The following AKAP12 variants were observed in gnomAD, a reference collection of about 807,000 sequenced individuals.
AKAP12 encodes the protein A-kinase anchoring protein 12.
Under a neutral mutation model 79.9 loss-of-function variants are expected in AKAP12, and 32 were observed. That is an observed-to-expected ratio of 0.40 (90% confidence interval 0.30 to 0.54). AKAP12 has a LOEUF of 0.54. AKAP12 is among the 20% of genes least tolerant of loss of function. AKAP12 has a pLI of 0.48. For missense variants in AKAP12, 2,074 were observed against 2,177.0 expected, an observed-to-expected ratio of 0.95 and a Z score of 0.94; for synonymous variants, 808 against 857.0, an observed-to-expected ratio of 0.94 and a Z score of 1.00.
chr6:151,265,893 C>A lies in AKAP12; in HGVS notation c.162+25169C>A, dbSNP rs138188394. On this transcript the variant is annotated intron_variant, in intron 2 of 4. Transcript: ENST00000402676. ...GTGGGTTCACTAAGGATGAGCCCAA[C>A]AATGACATTTATGTAATATTCTTTT... is the stretch of plus-strand genomic sequence containing the variant. 6.3e-3 allele frequency among the ~76,000 whole-genome samples: 961 copies of A among 152,320 alleles called. 9 individuals carry two copies. The highest frequency in any genetic ancestry group is 0.021 in the African/African-American group (869 of 41,568).
intron 3 of AKAP12, among the ~76,000 whole-genome samples, chr6:151,338,668 C>T (rs1777875096): frequency 6.6e-6 from 1 of 152,124 alleles, no homozygotes; most frequent in Non-Finnish European, 1.5e-5. Flanking sequence ...CCAGGCTGGT[C>T]TCGAACTCCT....
In AKAP12 at chr6:151,345,882, G is replaced by A. The variant is rs1034226103; in HGVS notation, c.320-2829G>A. ...CATCCCCCAGAGATCATATGTGAAG[G>A]ATGTGTGTGTATATGTGTGTGTGTG... On this transcript the variant is annotated intron_variant, in intron 3 of 4. Transcript: ENST00000402676. 3.8e-5 allele frequency among the ~76,000 whole-genome samples: 5 copies of A among 130,640 alleles called. 1 individual carries two copies. In the Admixed American group the frequency reaches 4.2e-4, roughly 11 times the overall value. 85.7% of individuals were successfully genotyped at this position (130,640 alleles called of 152,430 possible). A position where few individuals can be genotyped will look rare whatever the true frequency, so the allele number is the denominator to read the frequency against.
intron 3 of AKAP12, chr6:151,323,826 C>T: frequency 1.0e-6 from 1 of 985,394 alleles, no homozygotes; most frequent in Non-Finnish European, 1.2e-6. Context: ...GACTCGATTT[C>T]AGAAGTGGCA....
chr6:151,288,173 C>G (rs1776543715), intron 2 of AKAP12, among the ~76,000 whole-genome samples: 1 of 151,324 alleles, frequency 6.6e-6, no homozygotes, highest in Non-Finnish European at 1.5e-5. Context: ...TCTAACAAAC[C>G]TGCGTGTTCT....
intron 3 of AKAP12, chr6:151,341,922 C>A: frequency 1.7e-6 from 1 of 580,798 alleles, no homozygotes; most frequent in Non-Finnish European, 2.5e-6. Flanking sequence ...GAGCCGCCCG[C>A]TGCCCTTGAT....
rs10872670 is a variant in AKAP12 at position 151,348,740 on chromosome 6, A to G, written c.349A>G (p.Lys117Glu). The G allele has an allele frequency of 0.77, 1,232,033 of 1,590,998 alleles. 474,860 individuals carry two copies. The highest frequency in any genetic ancestry group is 0.82 in the Admixed American group (48,051 of 58,408). Residue 117 changes from lysine to glutamate, a missense_variant, in exon 4 of 5, where the codon AAA becomes GAA. Physicochemically the swap from Lys to Glu is moderately conservative, Grantham distance 56. Coordinates refer to ENST00000402676, the MANE Select transcript of AKAP12 (RefSeq NM_005100.4). ...VGQRDSEDVS[K>E]RDSDKEMATK... Reference sequence around the variant, plus strand: ...ACAGAGAGACTCTGAAGATGTGAGCAAAAGAGACTCCGATAAAGAGATGGC... The same window carrying G: ...ACAGAGAGACTCTGAAGATGTGAGCGAAAGAGACTCCGATAAAGAGATGGC...
At chr6:151,335,270 A>T (rs559868097) in intron 3 of AKAP12, among the ~76,000 whole-genome samples, 48 of 152,184 alleles carry the variant, frequency 3.2e-4, no homozygotes, top group Non-Finnish European at 5.7e-4. Context: ...TATACTGATT[A>T]TGTTTGGAAT....
intron 3 of AKAP12, among the ~76,000 whole-genome samples, chr6:151,337,080 G>A (rs1381939871): frequency 1.3e-5 from 2 of 152,138 alleles, no homozygotes; most frequent in Non-Finnish European, 2.9e-5. Flanking sequence ...GGTATGTAAT[G>A]TGAAGCAAAT....
At chr6:151,291,028 A>G (rs1203193678) in intron 2 of AKAP12, among the ~76,000 whole-genome samples, 2 of 152,116 alleles carry the variant, frequency 1.3e-5, no homozygotes, top group Non-Finnish European at 2.9e-5. Flanking sequence ...CCCTCTCTGC[A>G]CATAAACGGA....
Position 151,349,584 on chromosome 6 carries a change from C to T in AKAP12, c.1193C>T (p.Pro398Leu), listed in dbSNP as rs1378391951. 3.1e-6 allele frequency: 5 copies of T among 1,610,810 alleles called. No individual in the cohort carries two copies. The highest frequency in any genetic ancestry group is 2.2e-5 in the East Asian group (1 of 44,852). ...GGACCTTCTGAAGAGAAACCTGCTC[C>T]GTTGGCGACAGAAGTGTTTGATGAG... ...SQGPSEEKPA[P>L]LATEVFDEKI... Residue 398 changes from proline (P) to leucine (L), a missense_variant, in exon 4 of 5, where the codon CCG becomes CTG. Around this residue, in one of 3 missense-constraint regions of AKAP12, gnomAD observed 1,428 missense variants for 1,451.0 expected, o/e 0.98. Transcript: ENST00000402676.
chr6:151,344,658 C>T (rs1395778645), intron 3 of AKAP12, among the ~76,000 whole-genome samples: 2 of 151,522 alleles, frequency 1.3e-5, no homozygotes, highest in South Asian at 2.1e-4. Context: ...CTCAGCCTCC[C>T]GAGTAGCTAG....
chr6:151,325,369 T>G (rs900764407), intron 3 of AKAP12: 1 of 985,262 alleles, frequency 1.0e-6, no homozygotes, highest in African/African-American at 1.7e-5. Context: ...AGTAAATCGG[T>G]GCCAGGAATG....
chr6:151,244,236 G>A (rs1797027636), intron 2 of AKAP12, among the ~76,000 whole-genome samples: 1 of 152,144 alleles, frequency 6.6e-6, no homozygotes, highest in Non-Finnish European at 1.5e-5. Context: ...CATTAAAACA[G>A]ACAATTGGCC....
rs1204161636 is a variant in AKAP12 at position 151,351,952 on chromosome 6, G to A, written c.3561G>A (p.Gln1187=). The change falls in exon 4 of 5, where the codon CAG becomes CAA. Residue 1187 remains glutamine, a synonymous_variant. Transcript: ENST00000402676. This position sits in a 1 kb window ranked among gnomAD's most constrained non-coding sequence, Gnocchi z 4.4. ...VADFDAPGTT[Q]KDEIVEIHEE... ...ACTTTGACGCACCAGGCACAACCCA[G>A]AAAGACGAGATTGTGGAAATCCATG... 5 of 1,614,182 alleles carry A rather than the reference G, an allele frequency of 3.1e-6. No homozygotes were observed. The highest frequency in any genetic ancestry group is 3.4e-6 in the Non-Finnish European group (4 of 1,180,038).
In AKAP12 at chr6:151,355,822, C is replaced by T. The variant is rs1392476333; in HGVS notation, c.*108C>T. ...GAGACTGAAGACCAGTATTTCAGAA[C>T]TTTGAGAATTGGAGAGCAGGCACAT... On this transcript the variant is annotated 3_prime_UTR_variant, in exon 5 of 5. Coordinates refer to ENST00000402676, the MANE Select transcript of AKAP12 (RefSeq NM_005100.4). 2 of 152,586 alleles carry T rather than the reference C, an allele frequency of 1.3e-5. No individual in the cohort carries two copies. Among genetic ancestry groups the T allele is most frequent in the Non-Finnish European group, 2.9e-5 (2 of 68,036 alleles). 9.5% of individuals were successfully genotyped at this position (152,586 alleles called of 1,614,324 possible).
At chr6:151,282,699 C>G (rs1289922944) in intron 2 of AKAP12, among the ~76,000 whole-genome samples, 1 of 152,160 alleles carries the variant, frequency 6.6e-6, no homozygotes, top group African/African-American at 2.4e-5. Flanking sequence ...TGTTACTGCT[C>G]ACAGGGATTC....
chr6:151,339,568 T>C (rs1050888836), intron 3 of AKAP12, among the ~76,000 whole-genome samples: 17 of 152,256 alleles, frequency 1.1e-4, no homozygotes, highest in Admixed American at 2.6e-4. Context: ...TTACAATCAA[T>C]GAACCTGCAC....
At chr6:151,276,715 T>C (rs1040005495) in intron 2 of AKAP12, among the ~76,000 whole-genome samples, 2 of 152,246 alleles carry the variant, frequency 1.3e-5, no homozygotes, top group African/African-American at 4.8e-5. Context: ...AAGAAACTTA[T>C]GTATTTATTA....
intron 3 of AKAP12, among the ~76,000 whole-genome samples, chr6:151,339,279 G>C (rs1318347799): frequency 6.6e-6 from 1 of 152,180 alleles, no homozygotes; most frequent in Non-Finnish European, 1.5e-5. Flanking sequence ...GTATGAAATT[G>C]ACTTTTCTTT....
Sources: allele counts gnomAD v4.1 joint callset (sites outside exome capture counted in the v4.1 genomes callset), GRCh38; gene constraint gnomAD v4.1.1; regional missense constraint gnomAD v4.1.1; non-coding constraint Gnocchi (gnomAD v3.1); transcripts MANE v1.5; gene names NCBI Gene and HGNC (gene_info 2026-07-23, HGNC 2026-07-21).